The following KCTD1 variants were observed in gnomAD, a reference collection of about 807,000 sequenced individuals.
The protein encoded by KCTD1 is BTB/POZ domain-containing protein KCTD1.
In KCTD1, 24 loss-of-function variants were observed where a neutral mutation model predicts 66.0. The ratio of observed to expected loss-of-function variants is 0.36; its 90% CI spans 0.26 to 0.51. KCTD1 has a LOEUF of 0.51. KCTD1 is among the 20% of genes least tolerant of loss of function. The pLI, the probability that KCTD1 is intolerant of heterozygous loss-of-function variation, is 0.95. For missense variants in KCTD1, 943 were observed against 1,205.2 expected (o/e 0.78, Z 3.22); for synonymous variants, 511 against 517.2 (o/e 0.99, Z 0.16).
intron 1 of KCTD1, among the ~76,000 whole-genome samples, chr18:26,512,910 G>T (rs895832929): frequency 6.6e-6 from 1 of 152,082 alleles, no homozygotes; most frequent in Non-Finnish European, 1.5e-5. Flanking sequence ...GAATCAGGGA[G>T]GTGGAGGCTG....
chr18:26,468,559 C>T lies in KCTD1; in HGVS notation c.2133+7956G>A, dbSNP rs59769590. ...CAAAAAACCATGTCCTGGCCGGGCG[C>T]GGTGGCTCACACCTATAATCCCAAC... On this transcript the variant is annotated intron_variant, in intron 3 of 4. Coordinates refer to ENST00000580059, the MANE Select transcript of KCTD1 (RefSeq NM_001142730.3). The surrounding 1 kb of genome is among the most constrained non-coding windows in gnomAD (Gnocchi z 4.8). Among the ~76,000 whole-genome samples, 2,038 of 152,238 alleles carry T rather than the reference C, an allele frequency of 0.013. 34 individuals carry two copies. The highest frequency in any genetic ancestry group is 0.047 in the African/African-American group (1,935 of 41,528).
chr18:26,558,568 CA>C (rs773958014), intron 1 of KCTD1, among the ~76,000 whole-genome samples: 1 of 152,124 alleles, frequency 6.6e-6, no homozygotes, highest in African/African-American at 2.4e-5. Flanking sequence ...TGTCCATCAA[CA>C]GATGAATAGA....
At chr18:26,619,141 T>A (rs1987319153) in intron 1 of KCTD1, among the ~76,000 whole-genome samples, 1 of 152,238 alleles carries the variant, frequency 6.6e-6, no homozygotes, top group Admixed American at 6.5e-5. Flanking sequence ...ATAGATGCCT[T>A]TGTTGCTTAA....
chr18:26,606,636 G>A (rs923565424), intron 1 of KCTD1, among the ~76,000 whole-genome samples: 1 of 152,210 alleles, frequency 6.6e-6, no homozygotes, highest in African/African-American at 2.4e-5. Flanking sequence ...GATGATGAGA[G>A]GCCAAGTGCA....
chr18:26,657,327 AAAT>A, intron 1 of KCTD1: 5 of 985,328 alleles, frequency 5.1e-6, no homozygotes, highest in Non-Finnish European at 4.8e-6. Flanking sequence ...CCTCCTTAGC[AAAT>A]AATAACAAAC....
At chr18:26,600,287 C>G in intron 1 of KCTD1, 1 of 1,605,598 alleles carries the variant, frequency 6.2e-7, no homozygotes, top group Non-Finnish European at 8.5e-7. Context: ...GGGATGCCAG[C>G]CTTCAAACCT....
Position 26,532,261 on chromosome 18 carries a change from C to CTTTTTTTTTTTTTTTT in KCTD1, c.1809+14451_1809+14466dup, listed in dbSNP as rs533359603. Among the ~76,000 whole-genome samples, 27 of 29,556 alleles carry CTTTTTTTTTTTTTTTT rather than the reference C, an allele frequency of 9.1e-4. 1 individual carries two copies. Among genetic ancestry groups the CTTTTTTTTTTTTTTTT allele is most frequent in the African/African-American group, 1.8e-3 (27 of 15,386 alleles). The allele number at this position is 29,556 out of a possible 152,430, so 19.4% of individuals were successfully genotyped here. A position where few individuals can be genotyped will look rare whatever the true frequency, so the allele number is the denominator to read the frequency against. On this transcript the variant is annotated intron_variant, in intron 1 of 4. Transcript: ENST00000580059. ...CTTTTTCTTTTTCTTTTCTTTCCTT[C>CTTTTTTTTTTTTTTTT]TTTTTTTTTTTTTTTTTTTTTTTTT...
chr18:26,460,550 GGGGGA>G (rs1267186702), intron 3 of KCTD1, among the ~76,000 whole-genome samples: 1 of 152,114 alleles, frequency 6.6e-6, no homozygotes, highest in Non-Finnish European at 1.5e-5. Context: ...GTGATGGTTT[GGGGGA>G]GGCTGGTGGA....
Position 26,515,966 on chromosome 18 carries a change from A to G in KCTD1, c.1810-14716T>C, listed in dbSNP as rs560330586. ...TTTTAAAGCAAAAGACACAGTATAT[A>G]ATGCCAAGACAATGACAGGGGCTGG... On this transcript the variant is annotated intron_variant, in intron 1 of 4. Transcript: ENST00000580059. Among the ~76,000 whole-genome samples, 10 of 152,316 alleles carry G rather than the reference A, an allele frequency of 6.6e-5. No individual in the cohort carries two copies. In the South Asian group the frequency reaches 2.1e-3, roughly 32 times the overall value.
At position 26,548,485 on chromosome 18, in the gene KCTD1, C is replaced by T. The variant is rs1279115570; in HGVS notation, c.52G>A (p.Ala18Thr). 8.1e-7 allele frequency: 1 copy of T among 1,237,984 alleles called. No homozygotes were observed. Among genetic ancestry groups the T allele is most frequent in the Non-Finnish European group, 1.0e-6 (1 of 996,896 alleles). The allele number at this position is 1,237,984 out of a possible 1,614,324, so 76.7% of individuals were successfully genotyped here. The change falls in exon 1 of 5, where the codon GCC (alanine) becomes ACC (threonine). Residue 18 changes from alanine to threonine, a missense_variant. This residue lies in a region of KCTD1 where 236 missense variants were observed against 206.6 expected (regional missense o/e 1.14). Transcript: ENST00000580059. ...GDCNTSAGGS[A>T]SAAAAAAENN... ...TCGGCGGCGGCGGCGGCAGCGCTGG[C>T]GCTGCCGCCCGCGCTGGTGTTACAG...
intron 2 of KCTD1, among the ~76,000 whole-genome samples, chr18:26,484,210 A>T (rs999946980): frequency 7.2e-5 from 11 of 152,238 alleles, no homozygotes; most frequent in African/African-American, 2.7e-4. Flanking sequence ...ATGAACACAG[A>T]TAAAAATTAA....
chr18:26,525,110 T>C (rs1351196790), intron 1 of KCTD1, among the ~76,000 whole-genome samples: 1 of 152,168 alleles, frequency 6.6e-6, no homozygotes, highest in Non-Finnish European at 1.5e-5. Flanking sequence ...CAGGGCAGAA[T>C]GATCCAAACA....
chr18:26,492,994 A>T (rs888162093), intron 2 of KCTD1, among the ~76,000 whole-genome samples: 1 of 152,200 alleles, frequency 6.6e-6, no homozygotes, highest in African/African-American at 2.4e-5. Flanking sequence ...CTCTGAGTAC[A>T]ATATTTTACC....
intron 3 of KCTD1, among the ~76,000 whole-genome samples, chr18:26,465,549 G>A (rs1302011116): frequency 6.6e-6 from 1 of 152,194 alleles, no homozygotes; most frequent in Non-Finnish European, 1.5e-5. Context: ...CCCAGACTAG[G>A]ATTAGTCTTG....
chr18:26,568,343 C>T (rs1222468953), intron 1 of KCTD1, among the ~76,000 whole-genome samples: 1 of 152,080 alleles, frequency 6.6e-6, no homozygotes, highest in Non-Finnish European at 1.5e-5. Flanking sequence ...CTCAGGTGAT[C>T]TCCCCATCTC....
upstream of KCTD1, among the ~76,000 whole-genome samples, chr18:26,631,986 C>A (rs1257840122): frequency 6.6e-6 from 1 of 151,884 alleles, no homozygotes; most frequent in Non-Finnish European, 1.5e-5. Flanking sequence ...GCAGGCGGAG[C>A]TTGAAGTGAG....
chr18:26,456,521 T>G (rs1344720353), intron 4 of KCTD1: 1 of 152,178 alleles, frequency 6.6e-6, no homozygotes, highest in Admixed American at 6.5e-5. Flanking sequence ...ATCTACAGGT[T>G]TTCAAGTTTG....
intron 1 of KCTD1, among the ~76,000 whole-genome samples, chr18:26,559,389 C>A (rs956322837): frequency 4.6e-5 from 7 of 152,038 alleles, no homozygotes; most frequent in Admixed American, 1.3e-4. Flanking sequence ...CTACTATGTA[C>A]CCACAAAAAA....
intron 1 of KCTD1, among the ~76,000 whole-genome samples, chr18:26,531,396 C>T (rs1156914719): frequency 2.0e-5 from 3 of 152,036 alleles, no homozygotes; most frequent in African/African-American, 2.4e-5. Context: ...GGTTGAAATA[C>T]TTTAAGTCAA....
Sources: gnomAD v4.1 joint callset for allele counts (sites outside exome capture counted in the v4.1 genomes callset) on GRCh38, gnomAD v4.1.1 for gene constraint, gnomAD v4.1.1 regional missense constraint, Gnocchi (gnomAD v3.1) non-coding constraint, MANE v1.5 for transcripts, NCBI Gene and HGNC (gene_info 2026-07-23, HGNC 2026-07-21) for gene names.